Variants in UBE2E2 observed in about 807,000 individuals in gnomAD.
The protein encoded by UBE2E2 is ubiquitin-conjugating enzyme E2 E2.
Under a neutral mutation model 24.7 loss-of-function variants are expected in UBE2E2, and 6 were observed. That is an observed-to-expected ratio of 0.24 (90% CI 0.13 to 0.48). The LOEUF (loss-of-function observed/expected upper bound fraction) is 0.48. UBE2E2 is among the 20% of genes least tolerant of loss of function. The probability of loss-of-function intolerance (pLI) is 0.99; values close to 1 mark genes in which losing one functional copy is unlikely to be tolerated. For missense variants in UBE2E2, 169 were observed against 245.0 expected (o/e 0.69, Z 2.07); for synonymous variants, 104 against 83.6 (o/e 1.24, Z -1.33).
chr3:23,428,928 T>TAAAAAAAAAA (rs34525850), intron 3 of UBE2E2, among the ~76,000 whole-genome samples: 4 of 75,904 alleles, frequency 5.3e-5, no homozygotes, highest in Non-Finnish European at 7.3e-5. Context: ...CTCTGTCTCT[T>TAAAAAAAAAA]AAAAAAAAAA....
chr3:23,540,098 C>G (rs535956237), intron 5 of UBE2E2, among the ~76,000 whole-genome samples: 298 of 152,226 alleles, frequency 2.0e-3, no homozygotes, highest in Non-Finnish European at 3.2e-3. Flanking sequence ...GGGTCTTGCT[C>G]TGTCTCCCAG....
intron 5 of UBE2E2, among the ~76,000 whole-genome samples, chr3:23,585,886 T>A (rs1256430052): frequency 6.8e-6 from 1 of 146,046 alleles, no homozygotes; most frequent in East Asian, 2.1e-4. Context: ...AAAAAAAAAA[T>A]TATTTGGTTG....
chr3:23,257,775 G>T (rs6782723), intron 3 of UBE2E2, among the ~76,000 whole-genome samples: 1 of 151,712 alleles, frequency 6.6e-6, no homozygotes, highest in African/African-American at 2.4e-5. Flanking sequence ...GGAGAAAATA[G>T]TATTTTGTGG....
intron 5 of UBE2E2, among the ~76,000 whole-genome samples, chr3:23,577,252 C>T (rs1212758682): frequency 1.3e-5 from 2 of 151,178 alleles, no homozygotes; most frequent in African/African-American, 4.9e-5. Flanking sequence ...TTGTGTCAAG[C>T]ATTAGCCAGT....
chr3:23,481,206 T>A (rs1699252232), intron 3 of UBE2E2, among the ~76,000 whole-genome samples: 1 of 152,236 alleles, frequency 6.6e-6, no homozygotes, highest in African/African-American at 2.4e-5. Flanking sequence ...CTGTTGGTTG[T>A]CTATAATATA....
rs765868713 is a variant in UBE2E2 at position 23,208,721 on chromosome 3, G to A, written c.22G>A (p.Val8Ile). The part of the protein sequence containing the change: MSTEAQR[V>I]DDSPSTSGGS... ...TAAAATGTCCACTGAGGCACAAAGA[G>A]TTGATGACAGTCCAAGCACTAGTGG... The change falls in exon 2 of 6, where the codon GTT (valine) becomes ATT (isoleucine). Residue 8 changes from valine to isoleucine, a missense_variant. By Grantham distance (29) the Val-to-Ile change is conservative. This residue lies in a region of UBE2E2 where 64 missense variants were observed against 64.3 expected (regional missense o/e 1.00). Coordinates refer to ENST00000396703, the MANE Select transcript of UBE2E2 (RefSeq NM_152653.4). The A allele has an allele frequency of 6.2e-7, 1 of 1,611,942 alleles. No homozygotes were observed. Among genetic ancestry groups the A allele is most frequent in the South Asian group, 1.1e-5 (1 of 90,508 alleles).
chr3:23,353,430 A>C (rs1271672767), intron 3 of UBE2E2, among the ~76,000 whole-genome samples: 1 of 152,170 alleles, frequency 6.6e-6, no homozygotes, highest in Non-Finnish European at 1.5e-5. Flanking sequence ...CAATTAGGAA[A>C]AGAGGAAGTC....
intron 3 of UBE2E2, among the ~76,000 whole-genome samples, chr3:23,278,864 A>AG (rs1488957686): frequency 6.6e-6 from 1 of 152,148 alleles, no homozygotes; most frequent in East Asian, 1.9e-4. Flanking sequence ...GCAGTAAAAA[A>AG]CCAGTCATAG....
intron 5 of UBE2E2, among the ~76,000 whole-genome samples, chr3:23,550,510 T>C (rs1192963503): frequency 2.0e-5 from 3 of 152,224 alleles, no homozygotes; most frequent in Admixed American, 6.5e-5. Flanking sequence ...AAAGACTATG[T>C]TGTCCAGAGA....
intron 3 of UBE2E2, among the ~76,000 whole-genome samples, chr3:23,310,874 A>G (rs1050353826): frequency 6.6e-6 from 1 of 152,086 alleles, no homozygotes; most frequent in Admixed American, 6.5e-5. Flanking sequence ...TTTTTTTTTA[A>G]TACTTTCAGT....
In UBE2E2 at chr3:23,378,236, T is replaced by TAAA. The variant is rs56808350; in HGVS notation, c.228-121350_228-121348dup. ...CTCAAAGCCAACCACAAATAAGCAG[T>TAAA]AAAAAAAAAAAAAAAAAAAAAAAAT... On this transcript the variant is annotated intron_variant, in intron 3 of 5. Coordinates refer to ENST00000396703, the MANE Select transcript of UBE2E2 (RefSeq NM_152653.4). Among the ~76,000 whole-genome samples, 171 of 118,024 alleles carry TAAA rather than the reference T, an allele frequency of 1.4e-3. 1 individual carries two copies. Among genetic ancestry groups the TAAA allele is most frequent in the East Asian group, 0.013 (50 of 3,884 alleles). 77.4% of individuals were successfully genotyped at this position (118,024 alleles called of 152,430 possible).
intron 3 of UBE2E2, among the ~76,000 whole-genome samples, chr3:23,219,268 G>A (rs967020500): frequency 6.6e-6 from 1 of 152,168 alleles, no homozygotes; most frequent in Non-Finnish European, 1.5e-5. Context: ...AGGGTCCTCT[G>A]TGCTGTAGCT....
At chr3:23,392,330 C>G (rs1375741818) in intron 3 of UBE2E2, among the ~76,000 whole-genome samples, 1 of 152,042 alleles carries the variant, frequency 6.6e-6, no homozygotes, top group African/African-American at 2.4e-5. Context: ...CTGCTTGGTG[C>G]CTGGCCCCTG....
chr3:23,325,591 C>G lies in UBE2E2; in HGVS notation c.227+108279C>G, dbSNP rs907571370. Among the ~76,000 whole-genome samples the G allele has an allele frequency of 1.2e-4, 19 of 152,218 alleles. 1 individual carries two copies. The highest frequency in any genetic ancestry group is 7.9e-4 in the Admixed American group (12 of 15,286). On this transcript the variant is annotated intron_variant, in intron 3 of 5. Coordinates refer to ENST00000396703, the MANE Select transcript of UBE2E2 (RefSeq NM_152653.4). Reference sequence around the variant, plus strand: ...TAAAGTCTAAACCCATAGACTTACACACTTAGTCTTTGTCCACTAGTCAGA... The same window carrying G: ...TAAAGTCTAAACCCATAGACTTACAGACTTAGTCTTTGTCCACTAGTCAGA...
At position 23,459,988 on chromosome 3, in the gene UBE2E2, T is replaced by G. The variant is rs1437074930; in HGVS notation, c.228-39620T>G. On this transcript the variant is annotated intron_variant, in intron 3 of 5. Coordinates refer to ENST00000396703, the MANE Select transcript of UBE2E2 (RefSeq NM_152653.4). ...TTCCTTAATTTCAAATCCTGTGAGT[T>G]TGGGTAGGGGTCGAGTGCTTGTCTC... is the stretch of plus-strand genomic sequence containing the variant. Among the ~76,000 whole-genome samples the G allele has an allele frequency of 2.0e-5, 3 of 152,324 alleles. No individual in the cohort carries two copies. The East Asian group carries it at 5.8e-4, about 29-fold the overall frequency.
intron 3 of UBE2E2, among the ~76,000 whole-genome samples, chr3:23,462,937 A>G (rs942142280): frequency 2.0e-5 from 3 of 152,142 alleles, no homozygotes; most frequent in African/African-American, 7.2e-5. Context: ...GCCCCATCCC[A>G]ACTGGAATGT....
chr3:23,345,831 A>G (rs1426377890), intron 3 of UBE2E2, among the ~76,000 whole-genome samples: 1 of 152,196 alleles, frequency 6.6e-6, no homozygotes. Context: ...TATTGTTAAA[A>G]TATTTTCTTC....
intron 3 of UBE2E2, among the ~76,000 whole-genome samples, chr3:23,241,952 C>T (rs1697270566): frequency 6.6e-6 from 1 of 152,200 alleles, no homozygotes; most frequent in African/African-American, 2.4e-5. Flanking sequence ...TACTTTCACC[C>T]AGGCTGGAGC....
intron 3 of UBE2E2, among the ~76,000 whole-genome samples, chr3:23,366,957 C>T (rs1233156607): frequency 1.3e-5 from 2 of 152,062 alleles, no homozygotes; most frequent in Non-Finnish European, 2.9e-5. Context: ...TGTACAATAG[C>T]ACATAATTTT....
Sources: gnomAD v4.1 joint callset for allele counts (sites outside exome capture counted in the v4.1 genomes callset) on GRCh38, gnomAD v4.1.1 for gene constraint, gnomAD v4.1.1 regional missense constraint, MANE v1.5 for transcripts, NCBI Gene and HGNC (gene_info 2026-07-23, HGNC 2026-07-21) for gene names.